The following CELF5 variants were observed in gnomAD, a reference collection of about 807,000 sequenced individuals.
CELF5 encodes the protein CUG-BP and ETR-3 like factor 5.
CELF5 carries 6 observed loss-of-function variants against 54.9 expected under a neutral mutation model. The observed-to-expected ratio is 0.11, with a 90% CI of 0.06 to 0.22. The LOEUF (loss-of-function observed/expected upper bound fraction) is 0.22, where lower values mean the gene tolerates loss of function less well. Among genes scored for constraint, CELF5 ranks in the 10% least tolerant of loss-of-function variants. CELF5 has a pLI of 1.00. For synonymous variants in CELF5, 271 were observed against 290.9 expected (o/e 0.93, Z 0.70); for missense variants, 401 against 678.6 (o/e 0.59, Z 4.54).
intron 3 of CELF5, 53 bp downstream of exon 3, chr19:3,273,976 A>G: frequency 1.3e-6 from 2 of 1,560,050 alleles, no homozygotes; most frequent in Non-Finnish European, 1.8e-6. Flanking sequence ...GAATGGGAGA[A>G]GAAGGAAAAT....
At chr19:3,231,142 G>A (rs1917233034) in intron 1 of CELF5, among the ~76,000 whole-genome samples, 1 of 152,262 alleles carries the variant, frequency 6.6e-6, no homozygotes, top group African/African-American at 2.4e-5. Flanking sequence ...CAGGAGTCCA[G>A]TTGGTCTGGA....
chr19:3,234,610 T>G (rs1177077651), intron 1 of CELF5, among the ~76,000 whole-genome samples: 1 of 151,934 alleles, frequency 6.6e-6, no homozygotes, highest in East Asian at 1.9e-4. Flanking sequence ...TGGTCCAGGG[T>G]ACACCAGTGA....
chr19:3,237,561 C>T (rs1318701621), intron 1 of CELF5, among the ~76,000 whole-genome samples: 1 of 152,096 alleles, frequency 6.6e-6, no homozygotes, highest in African/African-American at 2.4e-5. Flanking sequence ...GTGGGAGTGT[C>T]TCTTAGCATG....
rs1555725356 is a variant in CELF5, at chr19:3,278,679, T to TTGTA, written c.603+572_603+573insATGT. On this transcript the variant is annotated intron_variant, in intron 5 of 12. Coordinates refer to ENST00000292672, the MANE Select transcript of CELF5 (RefSeq NM_021938.4). The surrounding 1 kb of genome is among the most constrained non-coding windows in gnomAD (Gnocchi z 4.5). ...TCTGCAGGTGCATTTGTGGGCAGGT[T>TTGTA]TGTGTGTGTGTGTGTGTGTGTTTGT... is the stretch of plus-strand genomic sequence containing the variant. 2.0e-5 allele frequency among the ~76,000 whole-genome samples: 3 copies of TTGTA among 148,892 alleles called. No individual in the cohort carries two copies. The highest frequency in any genetic ancestry group is 3.0e-5 in the Non-Finnish European group (2 of 67,152).
intron 5 of CELF5, among the ~76,000 whole-genome samples, chr19:3,279,216 C>A (rs996441290): frequency 1.3e-5 from 2 of 150,938 alleles, no homozygotes; most frequent in African/African-American, 4.9e-5. Context: ...GATGGGGGGC[C>A]TGTTGACTCA....
intron 1 of CELF5, among the ~76,000 whole-genome samples, chr19:3,231,611 G>GGATA (rs1160959686): frequency 3.8e-4 from 57 of 150,936 alleles, no homozygotes; most frequent in African/African-American, 1.1e-3. Flanking sequence ...ATGGATGGAT[G>GGATA]GATAGATGGA....
At chr19:3,244,926 C>CGT (rs887109298) in intron 1 of CELF5, among the ~76,000 whole-genome samples, 5 of 116,892 alleles carry the variant, frequency 4.3e-5, no homozygotes, top group Non-Finnish European at 8.7e-5. Context: ...TACATCTGTA[C>CGT]GTGTGTGTGT....
rs998450996 is a variant in CELF5 at position 3,282,052 on chromosome 19, G to C, written c.751-74G>C. On this transcript the variant is annotated intron_variant, in intron 6 of 12. Transcript: ENST00000292672. The surrounding 1 kb of genome is among the most constrained non-coding windows in gnomAD (Gnocchi z 5.2). ...CCTGACCTCCTCACTAGTAACTGGG[G>C]TACCAAGCCTCCCCTCATAAGCCAT... 4.5e-6 allele frequency: 7 copies of C among 1,561,206 alleles called. No individual in the cohort carries two copies. The African/African-American group carries it at 9.5e-5, about 21-fold the overall frequency.
rs534035524 is a variant in CELF5 at position 3,234,579 on chromosome 19, G to A, written c.259+9581G>A. 3.3e-5 allele frequency among the ~76,000 whole-genome samples: 5 copies of A among 152,168 alleles called. No homozygotes were observed. The South Asian group carries it at 6.2e-4, about 19-fold the overall frequency. On this transcript the variant is annotated intron_variant, in intron 1 of 12. Transcript: ENST00000292672. ...AGATGATCCGGCCCCAAGCATCCAC[G>A]GTGCAGAAGCTGAGAAACCCTGGTC...
At position 3,226,466 on chromosome 19, in the gene CELF5, A is replaced by ACACACACACACT. The variant is rs1393547245; in HGVS notation, c.259+1478_259+1479insCTCACACACACA. Reference sequence around the variant, plus strand: ...CACACACACACACACACACACACACACACACACACAAAATTGGGCCTGAAA... The same window carrying ACACACACACACT: ...CACACACACACACACACACACACACACACACACACACTCACACACACAAAATTGGGCCTGAAA... On this transcript the variant is annotated intron_variant, in intron 1 of 12. Coordinates refer to ENST00000292672, the MANE Select transcript of CELF5 (RefSeq NM_021938.4). 6.7e-4 allele frequency among the ~76,000 whole-genome samples: 101 copies of ACACACACACACT among 151,774 alleles called. 1 individual carries two copies. The highest frequency in any genetic ancestry group is 2.2e-3 in the African/African-American group (90 of 41,382).
Position 3,275,173 on chromosome 19 carries a change from A to C in CELF5, c.395-683A>C, listed in dbSNP as rs1016467513. On this transcript the variant is annotated intron_variant, in intron 3 of 12. Transcript: ENST00000292672. This position sits in a 1 kb window ranked among gnomAD's most constrained non-coding sequence, Gnocchi z 6.7. ...ACCACGTTCCCCATTACCAGGGAGC[A>C]TGCAGTTACCCAAGGGGGCAGAGCT... Among the ~76,000 whole-genome samples the C allele has an allele frequency of 6.6e-6, 1 of 152,126 alleles. No homozygotes were observed. Among genetic ancestry groups the C allele is most frequent in the African/African-American group, 2.4e-5 (1 of 41,414 alleles).
At chr19:3,245,980 C>G (rs1262268089) in intron 1 of CELF5, among the ~76,000 whole-genome samples, 2 of 152,216 alleles carry the variant, frequency 1.3e-5, no homozygotes, top group Non-Finnish European at 2.9e-5. Context: ...CAACCCACTT[C>G]AGAAAACGAT....
At chr19:3,289,717 T>TAAAAAAAAAAAAAAAAAAAAAAAA (rs2080311965) in intron 10 of CELF5, among the ~76,000 whole-genome samples, 1 of 84,748 alleles carries the variant, frequency 1.2e-5, no homozygotes, top group African/African-American at 4.2e-5. Flanking sequence ...AAAAAAAAAT[T>TAAAAAAAAAAAAAAAAAAAAAAAA]AGCAACGCAT....
At chr19:3,272,325 C>A (rs1202631040) in intron 2 of CELF5, among the ~76,000 whole-genome samples, 5 of 151,338 alleles carry the variant, frequency 3.3e-5, no homozygotes, top group African/African-American at 1.2e-4. Context: ...GCCGAGATCA[C>A]GTCACTGCAT....
At chr19:3,250,891 G>A in intron 1 of CELF5, 94 bp from the exon 2 acceptor site, 2 of 610,966 alleles carry the variant, frequency 3.3e-6, no homozygotes, top group Non-Finnish European at 5.7e-6. Flanking sequence ...ATGGAAGCTT[G>A]GGTTGCTTCC....
chr19:3,256,021 C>T (rs1477839615), intron 2 of CELF5, among the ~76,000 whole-genome samples: 2 of 143,106 alleles, frequency 1.4e-5, no homozygotes, highest in Non-Finnish European at 3.0e-5. Context: ...GCCAAGATCA[C>T]GCCTCTGTAC....
intron 10 of CELF5, among the ~76,000 whole-genome samples, chr19:3,289,698 A>AAAAAAAAAAAAAAAAAAT: frequency 8.2e-6 from 1 of 121,540 alleles, no homozygotes; most frequent in Non-Finnish European, 2.0e-5. Flanking sequence ...AAAAAAAAAA[A>AAAAAAAAAAAAAAAAAAT]AAAAAAAAAA....
At chr19:3,291,895 A>G (rs1423940681) in intron 11 of CELF5, among the ~76,000 whole-genome samples, 1 of 152,082 alleles carries the variant, frequency 6.6e-6, no homozygotes, top group African/African-American at 2.4e-5. Flanking sequence ...GTCACACAGC[A>G]GGAAAGAGGT....
In CELF5 at chr19:3,260,621, AT is replaced by A. The variant is rs34244242; in HGVS notation, c.342+9573del. Among the ~76,000 whole-genome samples, 295 of 104,632 alleles carry A rather than the reference AT, an allele frequency of 2.8e-3. No homozygotes were observed. In the Middle Eastern group the frequency reaches 0.038, roughly 13 times the overall value. 68.6% of individuals were successfully genotyped at this position (104,632 alleles called of 152,430 possible). A position where few individuals can be genotyped will look rare whatever the true frequency, so the allele number is the denominator to read the frequency against. ...AGGTGTGTGCCACCACACCTGGCTA[AT>A]TTTTTTTTTTTTTTTTTTGAGACAG... On this transcript the variant is annotated intron_variant, in intron 2 of 12. Coordinates refer to ENST00000292672, the MANE Select transcript of CELF5 (RefSeq NM_021938.4).
Sources: allele counts gnomAD v4.1 joint callset (sites outside exome capture counted in the v4.1 genomes callset), GRCh38; gene constraint gnomAD v4.1.1; non-coding constraint Gnocchi (gnomAD v3.1); transcripts MANE v1.5; gene names NCBI Gene and HGNC (gene_info 2026-07-23, HGNC 2026-07-21).